Variants in HS6ST2 observed in about 807,000 individuals in gnomAD.
HS6ST2 encodes the protein heparan-sulfate 6-O-sulfotransferase 2.
HS6ST2 carries 17 observed loss-of-function variants against 33.0 expected under a neutral mutation model. The ratio of observed to expected loss-of-function variants is 0.52; its 90% CI spans 0.35 to 0.77. The LOEUF is 0.77. Among genes scored for constraint, HS6ST2 ranks in the 30% least tolerant of loss-of-function variants. The pLI, the probability that HS6ST2 is intolerant of heterozygous loss-of-function variation, is 0.01. For missense variants in HS6ST2, 519 were observed against 551.7 expected, an observed-to-expected ratio of 0.94 and a Z score of 0.59; for synonymous variants, 248 against 237.1, an observed-to-expected ratio of 1.05 and a Z score of -0.42.
intron 2 of HS6ST2, among the ~76,000 whole-genome samples, chrX:132,722,024 T>G (rs903580040): frequency 3.7e-5 from 4 of 108,184 alleles, no homozygotes; most frequent in African/African-American, 1.3e-4. Flanking sequence ...CCGTTTCTAC[T>G]AAAAATACAA....
intron 2 of HS6ST2, among the ~76,000 whole-genome samples, chrX:132,807,352 C>T (rs1444255802): frequency 9.0e-6 from 1 of 110,525 alleles, no homozygotes; most frequent in Non-Finnish European, 1.9e-5. Flanking sequence ...GTTGAAACAA[C>T]TTTCATTACG....
At chrX:132,827,815 C>G (rs1176734658) in intron 2 of HS6ST2, among the ~76,000 whole-genome samples, 1 of 110,678 alleles carries the variant, frequency 9.0e-6, no homozygotes, top group African/African-American at 3.3e-5. Context: ...TGTTCCTAAC[C>G]TTGATGTTGC....
intron 2 of HS6ST2, among the ~76,000 whole-genome samples, chrX:132,714,195 C>T (rs1476502429): frequency 8.9e-6 from 1 of 111,854 alleles, no homozygotes; most frequent in East Asian, 2.8e-4. Context: ...CCAATGCCAG[C>T]TCTGCCATTA....
chrX:132,753,453 C>T (rs905424103), intron 2 of HS6ST2, among the ~76,000 whole-genome samples: 2 of 111,074 alleles, frequency 1.8e-5, no homozygotes, highest in Admixed American at 1.9e-4. Context: ...GCCGTTCCCC[C>T]CATACTGTTC....
At chrX:132,828,678 TTATA>T (rs1176610550) in intron 2 of HS6ST2, among the ~76,000 whole-genome samples, 6 of 53,242 alleles carry the variant, frequency 1.1e-4, no homozygotes, top group African/African-American at 5.5e-4. Context: ...ATATCATATT[TTATA>T]TATATATATA....
At chrX:132,859,339 T>C (rs1266093253) in intron 2 of HS6ST2, among the ~76,000 whole-genome samples, 1 of 111,423 alleles carries the variant, frequency 9.0e-6, no homozygotes, top group Non-Finnish European at 1.9e-5. Context: ...AAGAACTATA[T>C]ACAGACAAGG....
intron 2 of HS6ST2, among the ~76,000 whole-genome samples, chrX:132,727,631 G>C (rs1255246276): frequency 1.8e-5 from 2 of 111,084 alleles, no homozygotes; most frequent in African/African-American, 6.5e-5. Context: ...TTGTTCATTT[G>C]TTTTGAATTT....
intron 2 of HS6ST2, among the ~76,000 whole-genome samples, chrX:132,939,910 A>C (rs1406303574): frequency 2.7e-5 from 3 of 111,745 alleles, no homozygotes; most frequent in African/African-American, 9.7e-5. Flanking sequence ...TCCCTAAAAA[A>C]ATCCCAGCCG....
chrX:132,958,814 GC>G (rs2067121537), upstream of HS6ST2: 1 of 358,675 alleles, frequency 2.8e-6, no homozygotes. Flanking sequence ...GCAAATTGGA[GC>G]TTTTCCGTCT....
intron 2 of HS6ST2, among the ~76,000 whole-genome samples, chrX:132,948,354 A>T (rs2066976784): frequency 8.9e-6 from 1 of 112,455 alleles, no homozygotes; most frequent in Non-Finnish European, 1.9e-5. Context: ...GATAATTCCC[A>T]TGAGCTCCTA....
chrX:132,640,906 CA>C (rs941891579), intron 4 of HS6ST2, among the ~76,000 whole-genome samples: 3 of 111,499 alleles, frequency 2.7e-5, no homozygotes, highest in African/African-American at 9.8e-5. Flanking sequence ...ATTTCAAATA[CA>C]GGGGTACATG....
At chrX:132,720,260 C>T (rs1401491082) in intron 2 of HS6ST2, among the ~76,000 whole-genome samples, 1 of 112,114 alleles carries the variant, frequency 8.9e-6, no homozygotes, top group Non-Finnish European at 1.9e-5. Context: ...TTGCTCATTC[C>T]TCCTCATGAA....
At chrX:132,773,017 AAAT>A (rs1569489176) in intron 2 of HS6ST2, among the ~76,000 whole-genome samples, 1 of 91,273 alleles carries the variant, frequency 1.1e-5, no homozygotes, top group Non-Finnish European at 2.0e-5. Context: ...AAAGATATAA[AAAT>A]AATAGATTAT....
At chrX:132,687,540 C>T (rs772430176) in intron 3 of HS6ST2, among the ~76,000 whole-genome samples, 21 of 109,706 alleles carry the variant, frequency 1.9e-4, no homozygotes, top group Non-Finnish European at 3.6e-4. Context: ...TGGCAGCTGG[C>T]GGATCAATAC....
intron 2 of HS6ST2, among the ~76,000 whole-genome samples, chrX:132,709,684 T>C (rs1233057157): frequency 9.1e-6 from 1 of 110,048 alleles, no homozygotes; most frequent in Non-Finnish European, 1.9e-5. Context: ...CCGCAAGAAA[T>C]AAGTAATCTA....
At chrX:132,923,363 C>T (rs1452180339) in intron 2 of HS6ST2, among the ~76,000 whole-genome samples, 1 of 111,157 alleles carries the variant, frequency 9.0e-6, no homozygotes, top group East Asian at 2.8e-4. Context: ...TTAAGAGTGC[C>T]TTGGTCGAGG....
chrX:132,869,106 G>A (rs73239337), intron 2 of HS6ST2, among the ~76,000 whole-genome samples: 2,792 of 110,488 alleles, frequency 0.025, 37 homozygotes, highest in Middle Eastern at 0.065. Context: ...ATATCATCAC[G>A]GATCCCAAAG....
At chrX:132,667,723 T>C (rs1349384461) in intron 4 of HS6ST2, 1 of 112,316 alleles carries the variant, frequency 8.9e-6, no homozygotes, top group African/African-American at 3.2e-5. Flanking sequence ...GTTTTTGGTG[T>C]GACAGGTAGG....
At chrX:132,668,048 T>C (rs2063823002) in intron 4 of HS6ST2, among the ~76,000 whole-genome samples, 1 of 111,903 alleles carries the variant, frequency 8.9e-6, no homozygotes, top group Non-Finnish European at 1.9e-5. Context: ...TGAAATGGTA[T>C]TCAGAGGAAA....
Sources: gnomAD v4.1 joint callset for allele counts (sites outside exome capture counted in the v4.1 genomes callset) on GRCh38, gnomAD v4.1.1 for gene constraint, MANE v1.5 for transcripts, NCBI Gene and HGNC (gene_info 2026-07-23, HGNC 2026-07-21) for gene names.